TRAPPC9: variants seen among roughly 807,000 people sequenced by gnomAD.
TRAPPC9 encodes the protein trafficking protein particle complex subunit 9, also known as IKK2 binding protein.
TRAPPC9 carries 83 observed loss-of-function variants against 124.0 expected under a neutral mutation model. That is an observed-to-expected ratio of 0.67 (90% CI 0.56 to 0.80). TRAPPC9 has a LOEUF of 0.80. Ranked by LOEUF, TRAPPC9 falls within the 30% of genes least tolerant of loss-of-function variation. The probability of loss-of-function intolerance (pLI) is 0.00; values close to 1 mark genes in which losing one functional copy is unlikely to be tolerated. For missense variants in TRAPPC9, 1,302 were observed against 1,508.3 expected, an observed-to-expected ratio of 0.86 and a Z score of 2.27; for synonymous variants, 638 against 617.5, an observed-to-expected ratio of 1.03 and a Z score of -0.49.
chr8:140,096,334 G>A (rs944231563), intron 17 of TRAPPC9: 1 of 152,230 alleles, frequency 6.6e-6, no homozygotes, highest in Non-Finnish European at 1.5e-5. Context: ...GAGCAGCTAG[G>A]GAGCCACTGC....
In TRAPPC9 at chr8:140,353,373, A is replaced by G. The variant is rs2067644119; in HGVS notation, c.1495+6677T>C. On this transcript the variant is annotated intron_variant, in intron 9 of 22. Transcript: ENST00000438773. This position sits in a 1 kb window ranked among gnomAD's most constrained non-coding sequence, Gnocchi z 4.2. ...ACAGTAGCATTAATATGACCTATTTATAGTATGCATTTTTTCCCCTTCTTT... is the reference window on the plus strand; with the variant it reads ...ACAGTAGCATTAATATGACCTATTTGTAGTATGCATTTTTTCCCCTTCTTT... Among the ~76,000 whole-genome samples the G allele has an allele frequency of 6.6e-6, 1 of 151,014 alleles. No individual in the cohort carries two copies.
intron 2 of TRAPPC9, among the ~76,000 whole-genome samples, chr8:140,447,812 A>G (rs1215611872): frequency 6.6e-6 from 1 of 152,144 alleles, no homozygotes; most frequent in East Asian, 1.9e-4. Context: ...GCTGCAGGGG[A>G]GACAAGGCTT....
At chr8:140,096,657 C>T (rs1046454920) in intron 17 of TRAPPC9, 2 of 152,162 alleles carry the variant, frequency 1.3e-5, no homozygotes, top group African/African-American at 4.8e-5. Flanking sequence ...TCAACAAAGT[C>T]AGGGAAATTG....
chr8:140,160,364 C>T (rs1182408924), intron 17 of TRAPPC9, among the ~76,000 whole-genome samples: 1 of 152,138 alleles, frequency 6.6e-6, no homozygotes, highest in Non-Finnish European at 1.5e-5. Context: ...TATTGCGGCA[C>T]TATTCACAAC....
At chr8:139,982,926 C>T (rs145242782) in intron 19 of TRAPPC9, among the ~76,000 whole-genome samples, 1 of 152,216 alleles carries the variant, frequency 6.6e-6, no homozygotes, top group Non-Finnish European at 1.5e-5. Flanking sequence ...CTGCACGGCT[C>T]TCCCTGGCAC....
intron 20 of TRAPPC9, among the ~76,000 whole-genome samples, chr8:139,908,379 G>A (rs988013282): frequency 3.9e-5 from 6 of 152,256 alleles, no homozygotes; most frequent in Middle Eastern, 3.4e-3. Flanking sequence ...AGTAAGAGAT[G>A]CCTCCTGCCT....
chr8:140,077,285 T>C (rs1843565627), intron 17 of TRAPPC9, among the ~76,000 whole-genome samples: 1 of 152,208 alleles, frequency 6.6e-6, no homozygotes, highest in South Asian at 2.1e-4. Flanking sequence ...GGGATCATGG[T>C]TCACTTGTTC....
At chr8:140,437,328 G>A (rs1385321670) in intron 3 of TRAPPC9, among the ~76,000 whole-genome samples, 1 of 150,422 alleles carries the variant, frequency 6.6e-6, no homozygotes, top group Non-Finnish European at 1.5e-5. Context: ...GCCGTTTGAA[G>A]TATTTCTTAT....
chr8:139,827,228 G>A (rs1416852869), intron 21 of TRAPPC9, among the ~76,000 whole-genome samples: 1 of 152,248 alleles, frequency 6.6e-6, no homozygotes, highest in African/African-American at 2.4e-5. Flanking sequence ...TCAGGGTAGT[G>A]GCTCCCTGTG....
chr8:139,947,451 C>G (rs1374015598), intron 19 of TRAPPC9, among the ~76,000 whole-genome samples: 2 of 152,180 alleles, frequency 1.3e-5, no homozygotes, highest in African/African-American at 4.8e-5. Context: ...AAAAATAGAC[C>G]TTTGTTATAT....
intron 16 of TRAPPC9, among the ~76,000 whole-genome samples, chr8:140,226,237 T>C (rs1439633560): frequency 2.6e-5 from 4 of 152,162 alleles, no homozygotes; most frequent in African/African-American, 9.7e-5. Context: ...CCTTTGAGAT[T>C]TGATTTACAA....
intron 6 of TRAPPC9, among the ~76,000 whole-genome samples, chr8:140,398,846 T>G (rs1298924813): frequency 6.6e-6 from 1 of 152,084 alleles, no homozygotes; most frequent in Non-Finnish European, 1.5e-5. Flanking sequence ...CCCAAGACAA[T>G]GGGGAAAATG....
rs890960578 is a variant in TRAPPC9, at chr8:140,241,047, C to T, written c.2431+11730G>A. Among the ~76,000 whole-genome samples the T allele has an allele frequency of 4.6e-5, 7 of 152,196 alleles. No homozygotes were observed. The highest frequency in any genetic ancestry group is 1.0e-4 in the Non-Finnish European group (7 of 68,038). On this transcript the variant is annotated intron_variant, in intron 16 of 22. Coordinates refer to ENST00000438773, the MANE Select transcript of TRAPPC9 (RefSeq NM_001160372.4). This position sits in a 1 kb window ranked among gnomAD's most constrained non-coding sequence, Gnocchi z 5.0. The stretch of plus-strand genomic sequence containing the variant: ...CCAGACCAGCCTTTATTCAGGGCCA[C>T]CCTGTCACCTGCATCCCTGCTGGTG...
chr8:140,257,052 A>G lies in TRAPPC9; in HGVS notation c.2279-4123T>C, dbSNP rs115070667. ...TCTGAGCTCTCCCTCTGTGCCAGGC[A>G]CTGTCTGAAGTTCATATGCTAAGGC... On this transcript the variant is annotated intron_variant, in intron 15 of 22. Transcript: ENST00000438773. The surrounding 1 kb of genome is among the most constrained non-coding windows in gnomAD (Gnocchi z 4.6). Among the ~76,000 whole-genome samples, 851 of 152,280 alleles carry G rather than the reference A, an allele frequency of 5.6e-3. 9 individuals carry two copies. Among genetic ancestry groups the G allele is most frequent in the African/African-American group, 0.02 (818 of 41,556 alleles).
rs542108522 is a variant in TRAPPC9 at position 140,435,310 on chromosome 8, C to T, written c.731-70G>A. ...CAAAAACCAGCATCATTAGTCAAGT[C>T]AGTGACCCTTCATTAGCTCAAACTG... On this transcript the variant is annotated intron_variant, in intron 3 of 22. Coordinates refer to ENST00000438773, the MANE Select transcript of TRAPPC9 (RefSeq NM_001160372.4). 28 of 1,559,770 alleles carry T rather than the reference C, an allele frequency of 1.8e-5. No individual in the cohort carries two copies. The South Asian group carries it at 3.1e-4, about 17-fold the overall frequency.
chr8:140,329,808 T>C (rs904034808), intron 9 of TRAPPC9, among the ~76,000 whole-genome samples: 2 of 152,124 alleles, frequency 1.3e-5, no homozygotes, highest in Non-Finnish European at 2.9e-5. Flanking sequence ...CGGCCAGGCA[T>C]GGTGGCTCAC....
chr8:140,329,931 T>C (rs2066852308), intron 9 of TRAPPC9, among the ~76,000 whole-genome samples: 1 of 151,796 alleles, frequency 6.6e-6, no homozygotes, highest in African/African-American at 2.4e-5. Context: ...AATACAAAAA[T>C]TACCCAGGTG....
At chr8:140,154,363 C>T (rs2061595692) in intron 17 of TRAPPC9, among the ~76,000 whole-genome samples, 1 of 152,150 alleles carries the variant, frequency 6.6e-6, no homozygotes, top group Non-Finnish European at 1.5e-5. Flanking sequence ...TCTTGTACAA[C>T]AGTCTCTTCA....
At chr8:140,077,002 T>C (rs4736133) in intron 17 of TRAPPC9, among the ~76,000 whole-genome samples, 100,063 of 151,700 alleles carry the variant, frequency 0.66, 33,121 homozygotes, top group Middle Eastern at 0.75. Flanking sequence ...TCTGTCTCTA[T>C]AAAAAATTTA....
Sources: gnomAD v4.1 joint callset for allele counts (sites outside exome capture counted in the v4.1 genomes callset) on GRCh38, gnomAD v4.1.1 for gene constraint, Gnocchi (gnomAD v3.1) non-coding constraint, MANE v1.5 for transcripts, NCBI Gene and HGNC (gene_info 2026-07-23, HGNC 2026-07-21) for gene names.